Variants in CLTCL1 observed in about 807,000 individuals in gnomAD.
The protein encoded by CLTCL1 is clathrin heavy chain like 1.
CLTCL1 carries 159 observed loss-of-function variants against 190.0 expected under a neutral mutation model. The ratio of observed to expected loss-of-function variants is 0.84; its 90% confidence interval spans 0.74 to 0.95. CLTCL1 has a LOEUF of 0.95. CLTCL1 is among the 40% of genes least tolerant of loss of function. The pLI, the probability that CLTCL1 is intolerant of heterozygous loss-of-function variation, is 0.00. For missense variants in CLTCL1, 1,878 were observed against 2,033.4 expected (o/e 0.92, Z 1.47); for synonymous variants, 752 against 769.6 (o/e 0.98, Z 0.38).
At chr22:19,264,563 A>G (rs1171381914) in intron 2 of CLTCL1, among the ~76,000 whole-genome samples, 1 of 152,150 alleles carries the variant, frequency 6.6e-6, no homozygotes, top group Non-Finnish European at 1.5e-5. Flanking sequence ...ACACAGCTAG[A>G]AAAAAAGAGT....
chr22:19,208,780 G>T, intron 21 of CLTCL1, 142 bp downstream of exon 21: 1 of 676,096 alleles, frequency 1.5e-6, no homozygotes, highest in Non-Finnish European at 2.5e-6. Flanking sequence ...AGACTCTTGT[G>T]GGAAACTTTC....
chr22:19,276,952 G>A (rs1053611815), intron 1 of CLTCL1, among the ~76,000 whole-genome samples: 18 of 152,256 alleles, frequency 1.2e-4, no homozygotes, highest in Non-Finnish European at 2.1e-4. Flanking sequence ...GATTACAGGC[G>A]TGAGCCACCG....
intron 10 of CLTCL1, among the ~76,000 whole-genome samples, chr22:19,231,138 T>C (rs2085907710): frequency 6.6e-6 from 1 of 152,222 alleles, no homozygotes; most frequent in African/African-American, 2.4e-5. Context: ...TGAGCCACGC[T>C]ACCAGAATCC....
intron 14 of CLTCL1, 27 bp from the exon 15 acceptor site, chr22:19,222,836 T>A (rs1334228203): frequency 2.5e-6 from 4 of 1,580,760 alleles, no homozygotes; most frequent in Admixed American, 3.6e-5. Context: ...ACAGAACAAG[T>A]CAGGGAGTGG....
chr22:19,227,700 G>T (rs554715837), intron 11 of CLTCL1, among the ~76,000 whole-genome samples: 1 of 151,868 alleles, frequency 6.6e-6, no homozygotes, highest in African/African-American at 2.4e-5. Context: ...TGATCCACCC[G>T]CCTTGGCCTC....
At chr22:19,264,799 T>G (rs2087065292) in intron 2 of CLTCL1, among the ~76,000 whole-genome samples, 1 of 152,164 alleles carries the variant, frequency 6.6e-6, no homozygotes, top group Admixed American at 6.5e-5. Context: ...GCAATTTTTT[T>G]TTTTTTGAGA....
chr22:19,205,927 T>G (rs1261567492), intron 22 of CLTCL1, among the ~76,000 whole-genome samples: 1 of 85,862 alleles, frequency 1.2e-5, no homozygotes, highest in East Asian at 4.7e-4. Flanking sequence ...TTTCCAACCA[T>G]TGTTTTTTTT....
At position 19,272,963 on chromosome 22, in the gene CLTCL1, C is replaced by T. The variant is rs543678747; in HGVS notation, c.250+2660G>A. On this transcript the variant is annotated intron_variant, in intron 2 of 32. Coordinates refer to ENST00000427926, the MANE Select transcript of CLTCL1 (RefSeq NM_007098.4). Reference sequence around the variant, plus strand: ...CTAGCCCTTTTTGTAAAGGGAGGTCCGAGAGCTGCTTCACGAGCCCCTTTC... The same window carrying T: ...CTAGCCCTTTTTGTAAAGGGAGGTCTGAGAGCTGCTTCACGAGCCCCTTTC... Among the ~76,000 whole-genome samples, 69 of 152,190 alleles carry T rather than the reference C, an allele frequency of 4.5e-4. 1 individual carries two copies. The South Asian group carries it at 0.014, about 30-fold the overall frequency.
chr22:19,265,186 CT>C (rs1170097944), intron 2 of CLTCL1, among the ~76,000 whole-genome samples: 1 of 152,196 alleles, frequency 6.6e-6, no homozygotes, highest in Non-Finnish European at 1.5e-5. Flanking sequence ...ATATTATCAA[CT>C]TAAGTTTAAA....
chr22:19,256,505 T>C (rs186942000), intron 2 of CLTCL1, among the ~76,000 whole-genome samples: 316 of 151,842 alleles, frequency 2.1e-3, no homozygotes, highest in African/African-American at 7.3e-3. Context: ...TACAGGCACA[T>C]GCCATCACGC....
intron 2 of CLTCL1, among the ~76,000 whole-genome samples, chr22:19,267,985 T>C (rs1428559758): frequency 6.7e-6 from 1 of 149,838 alleles, no homozygotes; most frequent in African/African-American, 2.5e-5. Context: ...AAAAAAAAAA[T>C]AGGTAAGTTG....
chr22:19,207,881 G>A (rs1007856386), intron 22 of CLTCL1: 157 of 635,146 alleles, frequency 2.5e-4, no homozygotes, highest in Non-Finnish European at 7.4e-5. Context: ...CTAGTTGCAG[G>A]AAAATAAACT....
intron 1 of CLTCL1, among the ~76,000 whole-genome samples, chr22:19,278,334 T>C (rs1428726568): frequency 1.3e-5 from 2 of 152,100 alleles, no homozygotes; most frequent in African/African-American, 4.8e-5. Context: ...GGGTCATTTG[T>C]GGCAGGCGAA....
intron 1 of CLTCL1, among the ~76,000 whole-genome samples, chr22:19,285,085 CT>C (rs2087857771): frequency 6.6e-6 from 1 of 152,180 alleles, no homozygotes; most frequent in Admixed American, 6.5e-5. Flanking sequence ...ACCATCCTTG[CT>C]AACACGGTGA....
chr22:19,255,647 C>T lies in CLTCL1; in HGVS notation c.251-1420G>A, dbSNP rs897118420. ...AATTCAGGCCGGGCATGGTGGCTCA[C>T]GCCTGTAATCCCAGCACTTTGGGAA... On this transcript the variant is annotated intron_variant, in intron 2 of 32. Coordinates refer to ENST00000427926, the MANE Select transcript of CLTCL1 (RefSeq NM_007098.4). 5.3e-5 allele frequency among the ~76,000 whole-genome samples: 8 copies of T among 152,046 alleles called. No homozygotes were observed. In the East Asian group the frequency reaches 7.7e-4, roughly 15 times the overall value.
At position 19,224,165 on chromosome 22, in the gene CLTCL1, C is replaced by A. The variant is rs551438459; in HGVS notation, c.2129-111G>T. On this transcript the variant is annotated intron_variant, in intron 13 of 32. Coordinates refer to ENST00000427926, the MANE Select transcript of CLTCL1 (RefSeq NM_007098.4). Reference sequence around the variant, plus strand: ...TGCTCCACTCTCCAGGGACCCACAGCACACTCAGAACTCATAATCAATATG... The same window carrying A: ...TGCTCCACTCTCCAGGGACCCACAGAACACTCAGAACTCATAATCAATATG... 1.2e-4 allele frequency: 129 copies of A among 1,073,840 alleles called. 1 individual carries two copies. The South Asian group carries it at 1.5e-3, about 12-fold the overall frequency. 66.5% of individuals were successfully genotyped at this position (1,073,840 alleles called of 1,614,324 possible). A position where few individuals can be genotyped will look rare whatever the true frequency, so the allele number is the denominator to read the frequency against.
chr22:19,232,496 G>C lies in CLTCL1; in HGVS notation c.1624C>G (p.Pro542Ala). ...FSRMLVQDEE[P>A]LANISQIVDI... ...CTCACCTGGCTAATGTTGGCCAGCG[G>C]CTCCTCGTCCTGCACTAGCATTCGA... Residue 542 changes from proline to alanine, a missense_variant, in exon 10 of 33, where the codon CCG (proline) becomes GCG (alanine). Physicochemically the swap from Pro to Ala is conservative, Grantham distance 27. Coordinates refer to ENST00000427926, the MANE Select transcript of CLTCL1 (RefSeq NM_007098.4). 1 of 1,613,964 alleles carries C rather than the reference G, an allele frequency of 6.2e-7. No individual in the cohort carries two copies. The highest frequency in any genetic ancestry group is 2.2e-5 in the East Asian group (1 of 44,882).
intron 2 of CLTCL1, among the ~76,000 whole-genome samples, chr22:19,256,007 T>A (rs2086736618): frequency 6.6e-6 from 1 of 151,988 alleles, no homozygotes; most frequent in Non-Finnish European, 1.5e-5. Context: ...TATAAAATAT[T>A]CCTGAAAGAA....
intron 27 of CLTCL1, 141 bp downstream of exon 27, chr22:19,191,163 C>A: frequency 1.1e-6 from 1 of 940,074 alleles, no homozygotes. Flanking sequence ...TATCTGAAAC[C>A]TAAAACACTT....
Sources: gnomAD v4.1 joint callset for allele counts (sites outside exome capture counted in the v4.1 genomes callset) on GRCh38, gnomAD v4.1.1 for gene constraint, MANE v1.5 for transcripts, NCBI Gene and HGNC (gene_info 2026-07-23, HGNC 2026-07-21) for gene names.